The following TAFA2 variants were observed in gnomAD, a reference collection of about 807,000 sequenced individuals.
TAFA2 encodes TAFA chemokine like family member 2.
TAFA2 carries 7 observed loss-of-function variants against 18.8 expected under a neutral mutation model. The ratio of observed to expected loss-of-function variants is 0.37; its 90% CI spans 0.21 to 0.70. The LOEUF (loss-of-function observed/expected upper bound fraction) is 0.70, where lower values mean the gene tolerates loss of function less well. TAFA2 is among the 30% of genes least tolerant of loss of function. The pLI is 0.53. For missense variants in TAFA2, 122 were observed against 158.1 expected, an observed-to-expected ratio of 0.77 and a Z score of 1.23; for synonymous variants, 60 against 54.2, an observed-to-expected ratio of 1.11 and a Z score of -0.47.
intron 1 of TAFA2, among the ~76,000 whole-genome samples, chr12:61,914,661 G>A (rs17495295): frequency 0.023 from 3,542 of 152,100 alleles, 58 homozygotes; most frequent in Middle Eastern, 0.075. Context: ...CTGACATTAC[G>A]TCCTCAAAAT....
intron 2 of TAFA2, among the ~76,000 whole-genome samples, chr12:61,865,401 AAAAAG>A (rs1363546148): frequency 6.6e-6 from 1 of 152,228 alleles, no homozygotes; most frequent in East Asian, 1.9e-4. Flanking sequence ...TACAGAAAAT[AAAAAG>A]AAAAGAAAGA....
intron 1 of TAFA2, among the ~76,000 whole-genome samples, chr12:62,222,897 T>C (rs1466432789): frequency 2.0e-5 from 3 of 152,044 alleles, no homozygotes; most frequent in Admixed American, 6.6e-5. Context: ...AATTAAAAGA[T>C]ACTAAGAAAA....
At chr12:61,889,075 C>T in intron 1 of TAFA2, among the ~76,000 whole-genome samples, 1 of 152,152 alleles carries the variant, frequency 6.6e-6, no homozygotes, top group East Asian at 1.9e-4. Flanking sequence ...CTTCTCCATT[C>T]ATCTCCCGTC....
chr12:62,248,738 CTTTT>C (rs1409384117), intron 1 of TAFA2, among the ~76,000 whole-genome samples: 4 of 152,078 alleles, frequency 2.6e-5, no homozygotes, highest in Non-Finnish European at 5.9e-5. Context: ...CCTTCAAATT[CTTTT>C]TTATTTTTAA....
chr12:61,859,548 A>AG, intron 2 of TAFA2, among the ~76,000 whole-genome samples: 1 of 152,166 alleles, frequency 6.6e-6, no homozygotes, highest in African/African-American at 2.4e-5. Context: ...GGCTCAAGCG[A>AG]TTCTTCTGCC....
At chr12:61,770,134 GA>G (rs1485691325) in intron 2 of TAFA2, among the ~76,000 whole-genome samples, 5 of 151,844 alleles carry the variant, frequency 3.3e-5, no homozygotes, top group African/African-American at 1.2e-4. Flanking sequence ...AGAAGTAGAA[GA>G]AAGAATTTCA....
At chr12:62,161,528 T>C (rs1197925545) in intron 1 of TAFA2, among the ~76,000 whole-genome samples, 1 of 152,096 alleles carries the variant, frequency 6.6e-6, no homozygotes, top group African/African-American at 2.4e-5. Flanking sequence ...AGTGGAATGA[T>C]AGAGGATGGA....
At chr12:62,103,395 G>A (rs186908812) in intron 1 of TAFA2, among the ~76,000 whole-genome samples, 1 of 152,292 alleles carries the variant, frequency 6.6e-6, no homozygotes, top group African/African-American at 2.4e-5. Flanking sequence ...TCCAATATAT[G>A]AAGGGTGTCT....
At chr12:62,075,501 T>C (rs900631541) in intron 1 of TAFA2, among the ~76,000 whole-genome samples, 5 of 152,078 alleles carry the variant, frequency 3.3e-5, no homozygotes, top group African/African-American at 1.2e-4. Context: ...TTAGACTCTC[T>C]CCCCCTTCTC....
chr12:62,116,110 G>T (rs1869952009), intron 1 of TAFA2, among the ~76,000 whole-genome samples: 2 of 152,154 alleles, frequency 1.3e-5, no homozygotes, highest in Non-Finnish European at 2.9e-5. Flanking sequence ...AATTTGGAGG[G>T]TGTGCTTGGA....
At chr12:62,246,317 T>C (rs1443682174) in intron 1 of TAFA2, among the ~76,000 whole-genome samples, 1 of 152,212 alleles carries the variant, frequency 6.6e-6, no homozygotes, top group Non-Finnish European at 1.5e-5. Flanking sequence ...CTATATGCTA[T>C]GTAATCTCTA....
chr12:62,141,892 T>C (rs1017807240), intron 1 of TAFA2, among the ~76,000 whole-genome samples: 12 of 152,194 alleles, frequency 7.9e-5, no homozygotes, highest in East Asian at 1.9e-4. Context: ...TCTTGATCAT[T>C]TGGGAAAACC....
rs1289826901 is a variant in TAFA2, at chr12:62,069,576, T to C, written c.-2+121683A>G. On this transcript the variant is annotated intron_variant, in intron 1 of 4. Transcript: ENST00000416284. ...TGGACAAGAAATGCCTTAAACCTTA[T>C]AATAACACTAGCTAACAAAGGTTGA... Among the ~76,000 whole-genome samples, 5 of 152,298 alleles carry C rather than the reference T, an allele frequency of 3.3e-5. No homozygotes were observed. The East Asian group carries it at 9.6e-4, about 29-fold the overall frequency.
chr12:62,031,944 G>A (rs1235088880), intron 1 of TAFA2, among the ~76,000 whole-genome samples: 1 of 152,142 alleles, frequency 6.6e-6, no homozygotes, highest in Non-Finnish European at 1.5e-5. Flanking sequence ...AGTATATTAT[G>A]AGAAATATTG....
intron 1 of TAFA2, among the ~76,000 whole-genome samples, chr12:61,926,609 C>T (rs903647286): frequency 6.6e-6 from 1 of 152,152 alleles, no homozygotes; most frequent in Non-Finnish European, 1.5e-5. Context: ...AGGATTATAT[C>T]AATAGATGCA....
intron 1 of TAFA2, among the ~76,000 whole-genome samples, chr12:62,045,104 G>C (rs779735218): frequency 3.1e-4 from 47 of 152,142 alleles, no homozygotes; most frequent in Non-Finnish European, 5.4e-4. Context: ...GCAGACATCT[G>C]AGGCACAGAT....
At chr12:61,733,412 C>T (rs1039068138) in intron 4 of TAFA2, among the ~76,000 whole-genome samples, 21 of 152,082 alleles carry the variant, frequency 1.4e-4, no homozygotes, top group African/African-American at 3.4e-4. Context: ...TTAGGTCTAA[C>T]GTTTAAGTCT....
At chr12:61,803,127 C>T (rs148250274) in intron 2 of TAFA2, among the ~76,000 whole-genome samples, 48 of 151,702 alleles carry the variant, frequency 3.2e-4, no homozygotes, top group African/African-American at 1.1e-3. Context: ...ATAGATCTGA[C>T]CAATACTTTA....
intron 1 of TAFA2, among the ~76,000 whole-genome samples, chr12:62,202,877 G>C (rs1034473320): frequency 7.9e-5 from 10 of 126,328 alleles, no homozygotes; most frequent in Non-Finnish European, 1.4e-4. Context: ...ACCCAGGCTA[G>C]AGTGCAGTGG....
Sources: allele counts gnomAD v4.1 joint callset (sites outside exome capture counted in the v4.1 genomes callset), GRCh38; gene constraint gnomAD v4.1.1; transcripts MANE v1.5; gene names NCBI Gene and HGNC (gene_info 2026-07-23, HGNC 2026-07-21).